Variants in NUP155 observed in about 807,000 individuals in gnomAD.
NUP155 encodes nucleoporin 155.
Under a neutral mutation model 180.4 loss-of-function variants are expected in NUP155, and 71 were observed. That is an observed-to-expected ratio of 0.39 (90% CI 0.33 to 0.48). The LOEUF (loss-of-function observed/expected upper bound fraction) is 0.48. NUP155 is among the 20% of genes least tolerant of loss of function. NUP155 has a pLI of 0.91. For synonymous variants in NUP155, 582 were observed against 559.5 expected, an observed-to-expected ratio of 1.04 and a Z score of -0.57; for missense variants, 1,553 against 1,648.9, an observed-to-expected ratio of 0.94 and a Z score of 1.01.
Position 37,321,827 on chromosome 5 carries a change from T to G in NUP155, c.2207+2165A>C, listed in dbSNP as rs916181200. Reference sequence around the variant, plus strand: ...GACTCTGTTTTTGCTTTTAAAGAAGTGTATATTTATGTATGCTTTATTATT... The same window carrying G: ...GACTCTGTTTTTGCTTTTAAAGAAGGGTATATTTATGTATGCTTTATTATT... On this transcript the variant is annotated intron_variant, in intron 20 of 34. Transcript: ENST00000231498. Among the ~76,000 whole-genome samples the G allele has an allele frequency of 2.0e-5, 3 of 152,266 alleles. No homozygotes were observed. The South Asian group carries it at 6.2e-4, about 32-fold the overall frequency.
At position 37,350,164 on chromosome 5, in the gene NUP155, T is replaced by C. The variant is rs777493390; in HGVS notation, c.825A>G (p.Glu275=). The change falls in exon 7 of 35, where the codon GAA becomes GAG. Residue 275 remains glutamate (E), a synonymous_variant. Coordinates refer to ENST00000231498, the MANE Select transcript of NUP155 (RefSeq NM_153485.3). The part of the protein sequence containing the change: ...VPSLLQFTFS[E]DDPILQIAID... ...AATTTATTGTTTTCTACTTACCATC[T>C]TCTGAGAACGTGAATTGTAGCAAGG... is the stretch of plus-strand genomic sequence containing the variant. 65 of 1,610,422 alleles carry C rather than the reference T, an allele frequency of 4.0e-5. No individual in the cohort carries two copies. The highest frequency in any genetic ancestry group is 5.4e-5 in the Non-Finnish European group (63 of 1,176,850).
At chr5:37,370,192 A>T (rs1020597620) in intron 1 of NUP155, among the ~76,000 whole-genome samples, 14 of 152,160 alleles carry the variant, frequency 9.2e-5, no homozygotes, top group Non-Finnish European at 1.5e-4. Flanking sequence ...CAATATGGTG[A>T]AACCCCGTCT....
intron 12 of NUP155, among the ~76,000 whole-genome samples, chr5:37,337,099 C>T (rs749652837): frequency 3.9e-5 from 6 of 152,118 alleles, no homozygotes; most frequent in Non-Finnish European, 8.8e-5. Context: ...GACAGGTAGC[C>T]TCCCCTCACC....
intron 13 of NUP155, 73 bp downstream of exon 13, chr5:37,333,390 T>TAC: frequency 8.0e-7 from 1 of 1,247,942 alleles, no homozygotes; most frequent in Non-Finnish European, 1.2e-6. Context: ...ATTAAGCCAC[T>TAC]ACTTCAGAGA....
rs577757616 is a variant in NUP155, at chr5:37,290,246, G to A, written c.*1654C>T. ...TAATCTCAACACTTTGGGAGGTGGA[G>A]GCGGGCAGATCACTTGAGGTCAGGA... On this transcript the variant is annotated 3_prime_UTR_variant, in exon 35 of 35. Transcript: ENST00000231498. 6.6e-6 allele frequency: 1 copy of A among 152,140 alleles called. No individual in the cohort carries two copies. The highest frequency in any genetic ancestry group is 1.5e-5 in the Non-Finnish European group (1 of 68,054). The allele number at this position is 152,140 out of a possible 1,614,324, so 9.4% of individuals were successfully genotyped here. A position where few individuals can be genotyped will look rare whatever the true frequency, so the allele number is the denominator to read the frequency against.
chr5:37,308,223 T>C (rs1231656856), intron 24 of NUP155, among the ~76,000 whole-genome samples: 1 of 152,044 alleles, frequency 6.6e-6, no homozygotes, highest in African/African-American at 2.4e-5. Flanking sequence ...ATACAGTAAT[T>C]GAACTGGACA....
At chr5:37,361,998 A>C (rs1383628442) in intron 3 of NUP155, among the ~76,000 whole-genome samples, 1 of 152,188 alleles carries the variant, frequency 6.6e-6, no homozygotes, top group Non-Finnish European at 1.5e-5. Context: ...GAGTGAAAAG[A>C]TAGCCATCTA....
At chr5:37,351,516 A>C (rs1297168154) in intron 5 of NUP155, among the ~76,000 whole-genome samples, 160 bp from the exon 6 acceptor site, 1 of 150,626 alleles carries the variant, frequency 6.6e-6, no homozygotes, top group Non-Finnish European at 1.5e-5. Flanking sequence ...GCCCGATCTC[A>C]GCTCACTGCA....
chr5:37,331,805 T>C lies in NUP155; in HGVS notation c.1519-10A>G, dbSNP rs201999948. ...GAAACATAAGGCTCCCCTAAGAAATTTGAAGAAAGAACATGAACAAGAGAT... is the reference window on the plus strand; with the variant it reads ...GAAACATAAGGCTCCCCTAAGAAATCTGAAGAAAGAACATGAACAAGAGAT... On this transcript the variant is annotated splice_polypyrimidine_tract_variant and intron_variant, in intron 13 of 34. Transcript: ENST00000231498. 7.8e-6 allele frequency: 12 copies of C among 1,533,456 alleles called. No homozygotes were observed. Among genetic ancestry groups the C allele is most frequent in the African/African-American group, 1.4e-5 (1 of 73,346 alleles). The allele number at this position is 1,533,456 out of a possible 1,614,324, so 95.0% of individuals were successfully genotyped here.
chr5:37,365,730 A>ATATATAT (rs1747526463), intron 1 of NUP155, among the ~76,000 whole-genome samples: 1 of 56,866 alleles, frequency 1.8e-5, no homozygotes, highest in African/African-American at 5.7e-5. Context: ...AAAAAAAAAA[A>ATATATAT]AAAAAAAAAT....
At chr5:37,331,148 C>CAA (rs543141869) in intron 14 of NUP155, among the ~76,000 whole-genome samples, 16 of 133,628 alleles carry the variant, frequency 1.2e-4, no homozygotes, top group Admixed American at 4.6e-4. Context: ...GACTCTGTCT[C>CAA]AAAAAAAAAA....
intron 16 of NUP155, 74 bp downstream of exon 16, chr5:37,329,116 T>C (rs965560712): frequency 3.8e-5 from 39 of 1,016,126 alleles, no homozygotes; most frequent in Admixed American, 3.0e-4. Flanking sequence ...AAAAGGCTTA[T>C]TGATAAAAAT....
intron 30 of NUP155, among the ~76,000 whole-genome samples, chr5:37,300,508 G>A (rs573036812): frequency 5.3e-5 from 8 of 152,262 alleles, no homozygotes; most frequent in African/African-American, 1.9e-4. Context: ...GTGTTTCAGG[G>A]TACCTGGAAC....
intron 32 of NUP155, among the ~76,000 whole-genome samples, chr5:37,295,950 T>C (rs1304100396): frequency 6.9e-6 from 1 of 144,366 alleles, no homozygotes; most frequent in Non-Finnish European, 1.5e-5. Flanking sequence ...CCGCCCCTAC[T>C]GGGAAGTGAG....
chr5:37,364,953 A>G (rs1435144872), intron 1 of NUP155, among the ~76,000 whole-genome samples: 1 of 151,654 alleles, frequency 6.6e-6, no homozygotes, highest in East Asian at 2.0e-4. Flanking sequence ...TTTAAATTTG[A>G]TAATTTAGTG....
chr5:37,299,603 A>G (rs369397739), intron 30 of NUP155, 35 bp from the exon 31 acceptor site: 27 of 1,607,026 alleles, frequency 1.7e-5, no homozygotes, highest in South Asian at 6.6e-5. Context: ...ACATCCAACT[A>G]GAGATCAACA....
chr5:37,367,983 C>T (rs942093386), intron 1 of NUP155, among the ~76,000 whole-genome samples: 5 of 152,104 alleles, frequency 3.3e-5, no homozygotes, highest in African/African-American at 9.7e-5. Flanking sequence ...GGGGTTTTAC[C>T]ACGTTGGTCA....
At chr5:37,315,710 A>C (rs1268988981) in intron 21 of NUP155, among the ~76,000 whole-genome samples, 2 of 152,162 alleles carry the variant, frequency 1.3e-5, no homozygotes, top group African/African-American at 4.8e-5. Context: ...TGGGAGGCCG[A>C]AGTGGGTGGA....
At position 37,337,714 on chromosome 5, in the gene NUP155, T is replaced by C. The variant is rs1581179244; in HGVS notation, c.1347+104A>G. 4.5e-5 allele frequency: 31 copies of C among 687,716 alleles called. No individual in the cohort carries two copies. In the East Asian group the frequency reaches 8.4e-4, roughly 19 times the overall value. 42.6% of individuals were successfully genotyped at this position (687,716 alleles called of 1,614,324 possible). On this transcript the variant is annotated intron_variant, in intron 12 of 34. Coordinates refer to ENST00000231498, the MANE Select transcript of NUP155 (RefSeq NM_153485.3). Reference sequence around the variant, plus strand: ...TACTTTATAATTTCTAATAATACGTTATTAGAAGCAAACAGCAATACATCA... The same window carrying C: ...TACTTTATAATTTCTAATAATACGTCATTAGAAGCAAACAGCAATACATCA...
Sources: allele counts gnomAD v4.1 joint callset (sites outside exome capture counted in the v4.1 genomes callset), GRCh38; gene constraint gnomAD v4.1.1; transcripts MANE v1.5; gene names NCBI Gene and HGNC (gene_info 2026-07-23, HGNC 2026-07-21).